COLEC12: variants seen among roughly 807,000 people sequenced by gnomAD.
COLEC12 encodes collectin subfamily member 12, also known as collectin-12.
Under a neutral mutation model 71.1 loss-of-function variants are expected in COLEC12, and 33 were observed. That is an observed-to-expected ratio of 0.46 (90% CI 0.35 to 0.62). The LOEUF is 0.62. Ranked by LOEUF, COLEC12 falls within the 20% of genes least tolerant of loss-of-function variation. The probability of loss-of-function intolerance (pLI) is 0.00; values close to 1 mark genes in which losing one functional copy is unlikely to be tolerated. For missense variants in COLEC12, 765 were observed against 916.1 expected, an observed-to-expected ratio of 0.84 and a Z score of 2.13; for synonymous variants, 350 against 353.0, an observed-to-expected ratio of 0.99 and a Z score of 0.10.
chr18:434,114 C>T (rs1188355354), intron 2 of COLEC12, among the ~76,000 whole-genome samples: 3 of 152,156 alleles, frequency 2.0e-5, no homozygotes, highest in Non-Finnish European at 2.9e-5. Context: ...TGAGTCATTA[C>T]GCTTATATGA....
chr18:348,940 A>C (rs1914444664), intron 3 of COLEC12, among the ~76,000 whole-genome samples: 6 of 152,036 alleles, frequency 3.9e-5, no homozygotes, highest in Admixed American at 3.9e-4. Context: ...TGTGGGAGGG[A>C]CTTGGTGGGA....
chr18:400,970 A>G (rs1159131844), intron 2 of COLEC12, among the ~76,000 whole-genome samples: 1 of 152,180 alleles, frequency 6.6e-6, no homozygotes, highest in Non-Finnish European at 1.5e-5. Flanking sequence ...GCTTCCTGAA[A>G]AGTAAACTTT....
intron 2 of COLEC12, among the ~76,000 whole-genome samples, chr18:456,511 G>T (rs545751640): frequency 1.3e-5 from 2 of 152,130 alleles, no homozygotes; most frequent in Non-Finnish European, 2.9e-5. Context: ...CTCCAGTGCC[G>T]GAACAGCAGG....
chr18:343,162 C>T (rs1220555396), intron 5 of COLEC12, among the ~76,000 whole-genome samples: 2 of 152,210 alleles, frequency 1.3e-5, no homozygotes, highest in Non-Finnish European at 2.9e-5. Flanking sequence ...ATCCCTACAA[C>T]ACACAAGTGC....
At chr18:493,878 T>A (rs1322848613) in intron 1 of COLEC12, among the ~76,000 whole-genome samples, 1 of 152,232 alleles carries the variant, frequency 6.6e-6, no homozygotes, top group Admixed American at 6.5e-5. Flanking sequence ...ACTTGTTTAA[T>A]GTTGTGATTC....
At chr18:467,490 T>C (rs192205779) in intron 2 of COLEC12, among the ~76,000 whole-genome samples, 84 of 152,308 alleles carry the variant, frequency 5.5e-4, no homozygotes, top group Non-Finnish European at 9.6e-4. Flanking sequence ...GGGTTTATGT[T>C]TTTTGTCCAA....
At chr18:350,312 A>G (rs1914484030) in intron 3 of COLEC12, among the ~76,000 whole-genome samples, 1 of 152,030 alleles carries the variant, frequency 6.6e-6, no homozygotes, top group Non-Finnish European at 1.5e-5. Flanking sequence ...GCCGTGTAAG[A>G]AGTGCCTTTT....
intron 2 of COLEC12, among the ~76,000 whole-genome samples, chr18:413,896 T>C (rs1915939194): frequency 6.6e-6 from 1 of 152,232 alleles, no homozygotes; most frequent in African/African-American, 2.4e-5. Context: ...GGAACACCAA[T>C]CATGAATGGT....
chr18:442,021 ACAC>A (rs1161156119), intron 2 of COLEC12, among the ~76,000 whole-genome samples: 3 of 143,288 alleles, frequency 2.1e-5, no homozygotes, highest in African/African-American at 7.4e-5. Flanking sequence ...ACACACACAC[ACAC>A]ACACACACAC....
chr18:498,354 A>AT (rs371981125), intron 1 of COLEC12, among the ~76,000 whole-genome samples: 4 of 102,112 alleles, frequency 3.9e-5, no homozygotes, highest in Admixed American at 1.0e-4. Context: ...CTCATGGAAT[A>AT]TTTTTTTTCT....
At chr18:412,628 ACTGGT>A (rs1219133197) in intron 2 of COLEC12, among the ~76,000 whole-genome samples, 2 of 129,886 alleles carry the variant, frequency 1.5e-5, no homozygotes, top group Non-Finnish European at 3.5e-5. Flanking sequence ...AAATTATAAA[ACTGGT>A]CTGGTTCTTA....
intron 2 of COLEC12, among the ~76,000 whole-genome samples, chr18:405,500 T>C (rs1185908735): frequency 6.6e-6 from 1 of 152,044 alleles, no homozygotes; most frequent in African/African-American, 2.4e-5. Context: ...AGCTGCAAAA[T>C]TCCTCTCTTT....
At chr18:331,077 C>T (rs1003086776) in intron 8 of COLEC12, among the ~76,000 whole-genome samples, 4 of 151,848 alleles carry the variant, frequency 2.6e-5, no homozygotes, top group Non-Finnish European at 5.9e-5. Context: ...TTAGTAGAGA[C>T]GAGGTTTCAC....
chr18:334,591 G>A lies in COLEC12; in HGVS notation c.1816+151C>T, dbSNP rs1048364536. Reference sequence around the variant, plus strand: ...TGCAGTGAGCCGAGATCACGCCACTGCACTCCAGCCTGGGCAACAGAGTGA... The same window carrying A: ...TGCAGTGAGCCGAGATCACGCCACTACACTCCAGCCTGGGCAACAGAGTGA... On this transcript the variant is annotated intron_variant, in intron 6 of 9. Transcript: ENST00000400256. 11 of 562,504 alleles carry A rather than the reference G, an allele frequency of 2.0e-5. 1 individual carries two copies. The African/African-American group carries it at 2.0e-4, about 10-fold the overall frequency. 34.8% of individuals were successfully genotyped at this position (562,504 alleles called of 1,614,324 possible).
At chr18:340,190 C>T (rs576218606) in intron 5 of COLEC12, among the ~76,000 whole-genome samples, 8 of 151,744 alleles carry the variant, frequency 5.3e-5, no homozygotes, top group South Asian at 2.1e-4. Flanking sequence ...TGATGTCCTA[C>T]GTGGAAGGAC....
At chr18:391,329 C>A (rs1915459414) in intron 2 of COLEC12, among the ~76,000 whole-genome samples, 1 of 152,184 alleles carries the variant, frequency 6.6e-6, no homozygotes, top group East Asian at 1.9e-4. Flanking sequence ...GAGAAGAGAA[C>A]AGGAAAGAAC....
At chr18:432,937 T>C (rs34451516) in intron 2 of COLEC12, among the ~76,000 whole-genome samples, 13,963 of 152,238 alleles carry the variant, frequency 0.092, 985 homozygotes, top group East Asian at 0.31. Flanking sequence ...TTCACATGTG[T>C]CACTGAGGAA....
chr18:475,279 A>T (rs73358547), intron 2 of COLEC12, among the ~76,000 whole-genome samples: 3,982 of 152,090 alleles, frequency 0.026, 99 homozygotes, highest in African/African-American at 0.042. Context: ...ATGTTTGGAA[A>T]AGGTGCCTCT....
In COLEC12 at chr18:452,726, T is replaced by G. The variant is rs532957706; in HGVS notation, c.58+27981A>C. 2.0e-5 allele frequency among the ~76,000 whole-genome samples: 3 copies of G among 152,310 alleles called. No homozygotes were observed. In the South Asian group the frequency reaches 6.2e-4, roughly 32 times the overall value. The stretch of plus-strand genomic sequence containing the variant: ...AAAGATGGGCTCTCCAGGACTGACT[T>G]TCAGATTTATTTTTTAAGTTACTGT... On this transcript the variant is annotated intron_variant, in intron 2 of 9. Coordinates refer to ENST00000400256, the MANE Select transcript of COLEC12 (RefSeq NM_130386.3).
Sources: allele counts gnomAD v4.1 joint callset (sites outside exome capture counted in the v4.1 genomes callset), GRCh38; gene constraint gnomAD v4.1.1; transcripts MANE v1.5; gene names NCBI Gene and HGNC (gene_info 2026-07-23, HGNC 2026-07-21).